SLC12A8: variants seen among roughly 807,000 people sequenced by gnomAD.
SLC12A8 encodes the protein cation-chloride cotransporter 9.
In SLC12A8, 69 loss-of-function variants were observed where a neutral mutation model predicts 75.6. The observed-to-expected ratio is 0.91, with a 90% CI of 0.75 to 1.11. The LOEUF (loss-of-function observed/expected upper bound fraction) is 1.11. Among genes scored for constraint, SLC12A8 ranks in the 50% most tolerant of loss-of-function variants. The probability of loss-of-function intolerance (pLI) is 0.00; values close to 1 mark genes in which losing one functional copy is unlikely to be tolerated. For missense variants in SLC12A8, 877 were observed against 896.7 expected (o/e 0.98, Z 0.28); for synonymous variants, 365 against 372.8 (o/e 0.98, Z 0.24).
chr3:125,207,978 A>C (rs946303224), intron 2 of SLC12A8, among the ~76,000 whole-genome samples: 1 of 152,240 alleles, frequency 6.6e-6, no homozygotes, highest in Non-Finnish European at 1.5e-5. Context: ...CCTGAGAATC[A>C]GGTCCACTCA....
chr3:125,140,009 G>A (rs553249538), intron 5 of SLC12A8, among the ~76,000 whole-genome samples: 7 of 152,310 alleles, frequency 4.6e-5, no homozygotes, highest in African/African-American at 1.2e-4. Flanking sequence ...AGATTGTCCC[G>A]CCAGGAGGCA....
chr3:125,191,334 G>A (rs773326220), intron 2 of SLC12A8, among the ~76,000 whole-genome samples: 1 of 152,132 alleles, frequency 6.6e-6, no homozygotes, highest in Non-Finnish European at 1.5e-5. Flanking sequence ...CCATAACTTC[G>A]TGGATATACT....
chr3:125,118,769 C>A lies in SLC12A8; in HGVS notation c.912G>T (p.Lys304Asn). ...ALRYDFLIAE[K>N]VSLMGFLFLL... ...TTGGAGTAGCGCAGGCCTCACTCAC[C>A]TTTTCCGCTATCAGGAAGTCATAGC... is the stretch of plus-strand genomic sequence containing the variant. The change falls in exon 8 of 14, where the codon AAG becomes AAT. Residue 304 changes from lysine to asparagine, a missense_variant and splice_region_variant. Transcript: ENST00000469902. 1 of 1,612,664 alleles carries A rather than the reference C, an allele frequency of 6.2e-7. No homozygotes were observed. The highest frequency in any genetic ancestry group is 8.5e-7 in the Non-Finnish European group (1 of 1,178,992).
At chr3:125,196,225 T>A (rs1041373663) in intron 2 of SLC12A8, among the ~76,000 whole-genome samples, 1 of 152,182 alleles carries the variant, frequency 6.6e-6, no homozygotes, top group South Asian at 2.1e-4. Flanking sequence ...AAACAAATTA[T>A]CCTAGCTGTA....
chr3:125,092,952 T>C (rs1007860625), intron 10 of SLC12A8, among the ~76,000 whole-genome samples: 2 of 152,186 alleles, frequency 1.3e-5, no homozygotes, highest in African/African-American at 4.8e-5. Flanking sequence ...TAGTGTACAC[T>C]GTAGCCATTA....
chr3:125,173,326 A>G (rs759124835), intron 5 of SLC12A8, among the ~76,000 whole-genome samples: 3 of 152,180 alleles, frequency 2.0e-5, no homozygotes, highest in Non-Finnish European at 4.4e-5. Flanking sequence ...GCAATGGAAC[A>G]GAAAAGAGAA....
At chr3:125,115,089 G>A (rs1475278664) in intron 8 of SLC12A8, among the ~76,000 whole-genome samples, 1 of 152,178 alleles carries the variant, frequency 6.6e-6, no homozygotes, top group Admixed American at 6.5e-5. Context: ...TCTGCTATGT[G>A]CCAGGTAAAA....
intron 5 of SLC12A8, among the ~76,000 whole-genome samples, chr3:125,161,980 C>A (rs1039494597): frequency 6.6e-6 from 1 of 152,244 alleles, no homozygotes; most frequent in Non-Finnish European, 1.5e-5. Context: ...ACTGGGCTTG[C>A]AAGCTGGCCC....
chr3:125,162,975 GAA>G (rs1207826573), intron 5 of SLC12A8, among the ~76,000 whole-genome samples: 1 of 151,906 alleles, frequency 6.6e-6, no homozygotes, highest in Non-Finnish European at 1.5e-5. Flanking sequence ...GAAAGAAAAA[GAA>G]AAAAAGACAG....
intron 5 of SLC12A8, among the ~76,000 whole-genome samples, chr3:125,150,714 A>T (rs1257051318): frequency 1.3e-5 from 2 of 152,124 alleles, no homozygotes; most frequent in African/African-American, 4.8e-5. Context: ...ATTCTTGTAC[A>T]CTAGGGGGTA....
At chr3:125,204,572 G>A (rs1288764739) in intron 2 of SLC12A8, among the ~76,000 whole-genome samples, 4 of 152,162 alleles carry the variant, frequency 2.6e-5, no homozygotes, top group African/African-American at 4.8e-5. Context: ...TTATCAGAGG[G>A]TGGGAAGGGG....
Position 125,148,052 on chromosome 3 carries a change from G to A in SLC12A8, c.623-12270C>T, listed in dbSNP as rs181125724. Among the ~76,000 whole-genome samples the A allele has an allele frequency of 2.6e-3, 389 of 152,342 alleles. 4 individuals are homozygous for A. Among genetic ancestry groups the A allele is most frequent in the Admixed American group, 4.1e-3 (62 of 15,306 alleles). Reference sequence around the variant, plus strand: ...TCAGAAACAAAGAGAGCAGGTCAGAGAGGTTAACTACCTTGACCAATTCTA... The same window carrying A: ...TCAGAAACAAAGAGAGCAGGTCAGAAAGGTTAACTACCTTGACCAATTCTA... On this transcript the variant is annotated intron_variant, in intron 5 of 13. Coordinates refer to ENST00000469902, the MANE Select transcript of SLC12A8 (RefSeq NM_024628.6).
chr3:125,198,827 G>A (rs1314245471), intron 2 of SLC12A8, among the ~76,000 whole-genome samples: 3 of 151,064 alleles, frequency 2.0e-5, no homozygotes, highest in Admixed American at 6.6e-5. Context: ...ACCCAGGCTG[G>A]AGTGCAGTGG....
intron 6 of SLC12A8, among the ~76,000 whole-genome samples, chr3:125,132,137 T>C (rs1462998800): frequency 6.6e-6 from 1 of 152,186 alleles, no homozygotes; most frequent in African/African-American, 2.4e-5. Context: ...TTTAAAACCC[T>C]AAGCCCCTGG....
At chr3:125,119,676 A>G (rs1006306807) in intron 7 of SLC12A8, among the ~76,000 whole-genome samples, 1 of 152,250 alleles carries the variant, frequency 6.6e-6, no homozygotes, top group African/African-American at 2.4e-5. Context: ...ATGTTATTGC[A>G]CAAAATACCC....
chr3:125,190,499 G>C lies in SLC12A8; in HGVS notation c.74C>G (p.Pro25Arg), dbSNP rs1460221372. 4.3e-6 allele frequency: 7 copies of C among 1,614,062 alleles called. No homozygotes were observed. The East Asian group carries it at 1.1e-4, about 26-fold the overall frequency. The change falls in exon 3 of 14, where the codon CCC becomes CGC. Residue 25 changes from proline to arginine, a missense_variant. Transcript: ENST00000469902. ...AQQDALAQPQPWWKTQLFMWE... is the reference protein window; with the variant it reads ...AQQDALAQPQRWWKTQLFMWE... ...CATGAACAGCTGGGTCTTCCACCAG[G>C]GCTGGGGCTGGGCCAGGGCATCCTG...
chr3:125,160,847 G>C (rs1450122797), intron 5 of SLC12A8, among the ~76,000 whole-genome samples: 1 of 48,344 alleles, frequency 2.1e-5, no homozygotes, highest in Non-Finnish European at 4.3e-5. Context: ...CTGCACGGGG[G>C]CACAGGGCAC....
At chr3:125,098,496 A>C (rs925242684) in intron 10 of SLC12A8, among the ~76,000 whole-genome samples, 1 of 151,222 alleles carries the variant, frequency 6.6e-6, no homozygotes, top group Non-Finnish European at 1.5e-5. Context: ...ATTCTCCACA[A>C]ACAATGAACC....
chr3:125,178,375 A>C (rs1030049372), intron 4 of SLC12A8, among the ~76,000 whole-genome samples: 4 of 152,190 alleles, frequency 2.6e-5, no homozygotes, highest in Admixed American at 1.3e-4. Flanking sequence ...AGGACACTGC[A>C]GTAAACCAGA....
Sources: gnomAD v4.1 joint callset for allele counts (sites outside exome capture counted in the v4.1 genomes callset) on GRCh38, gnomAD v4.1.1 for gene constraint, MANE v1.5 for transcripts, NCBI Gene and HGNC (gene_info 2026-07-23, HGNC 2026-07-21) for gene names.